The following RALGPS1 variants were observed in gnomAD, a reference collection of about 807,000 sequenced individuals.
The protein encoded by RALGPS1 is ras-specific guanine nucleotide-releasing factor RalGPS1.
In RALGPS1, 19 loss-of-function variants were observed where a neutral mutation model predicts 78.8. That is an observed-to-expected ratio of 0.24 (90% CI 0.17 to 0.35). RALGPS1 has a LOEUF of 0.35. Among genes scored for constraint, RALGPS1 ranks in the 10% least tolerant of loss-of-function variants. The pLI is 1.00. For synonymous variants in RALGPS1, 228 were observed against 256.3 expected, an observed-to-expected ratio of 0.89 and a Z score of 1.06; for missense variants, 454 against 688.3, an observed-to-expected ratio of 0.66 and a Z score of 3.81.
intron 4 of RALGPS1, among the ~76,000 whole-genome samples, chr9:127,018,967 A>G (rs1462975304): frequency 6.6e-6 from 1 of 152,234 alleles, no homozygotes. Context: ...GTACATGACT[A>G]TATTGAGTTA....
intron 4 of RALGPS1, chr9:126,989,961 G>A (rs746036977): frequency 4.1e-4 from 633 of 1,550,412 alleles, no homozygotes; most frequent in Non-Finnish European, 5.2e-4. Context: ...CACATGACAC[G>A]TTGCAGTTCA....
At chr9:127,096,961 TA>T (rs1012443280) in intron 8 of RALGPS1, among the ~76,000 whole-genome samples, 1 of 152,124 alleles carries the variant, frequency 6.6e-6, no homozygotes, top group Non-Finnish European at 1.5e-5. Flanking sequence ...ACCTGGTGGG[TA>T]AAGGACACAG....
intron 13 of RALGPS1, 118 bp from the exon 14 acceptor site, chr9:127,198,897 C>T (rs2061475722): frequency 1.1e-6 from 1 of 875,628 alleles, no homozygotes. Flanking sequence ...CTCCCAATGT[C>T]AGGAAGCAGT....
Position 127,196,603 on chromosome 9 carries a change from C to G in RALGPS1, c.1167C>G (p.Ser389=). 6.2e-7 allele frequency: 1 copy of G among 1,610,552 alleles called. No individual in the cohort carries two copies. ...SPRRGLALTS[S]SAVTNGLSLG... Reference sequence around the variant, plus strand: ...GAAGGGGCCTGGCTCTGACCTCCTCCTCTGCTGTCACCAATGGACTCTCCC... The same window carrying G: ...GAAGGGGCCTGGCTCTGACCTCCTCGTCTGCTGTCACCAATGGACTCTCCC... Residue 389 remains serine, a synonymous_variant, in exon 13 of 19, where the codon TCC becomes TCG. Coordinates refer to ENST00000259351, the MANE Select transcript of RALGPS1 (RefSeq NM_014636.3).
chr9:127,210,606 T>C, intron 14 of RALGPS1: 1 of 973,108 alleles, frequency 1.0e-6, no homozygotes, highest in Non-Finnish European at 1.6e-6. Flanking sequence ...CCTGAGCTAA[T>C]TGACTATGTT....
intron 4 of RALGPS1, among the ~76,000 whole-genome samples, chr9:126,995,387 T>C (rs2042645847): frequency 6.6e-6 from 1 of 152,088 alleles, no homozygotes; most frequent in South Asian, 2.1e-4. Flanking sequence ...AATCCTAGTC[T>C]CTCATAAAAC....
In RALGPS1 at chr9:126,932,302, G is replaced by A. The variant is rs116465840; in HGVS notation, c.-66+17327G>A. On this transcript the variant is annotated intron_variant, in intron 1 of 18. Coordinates refer to ENST00000259351, the MANE Select transcript of RALGPS1 (RefSeq NM_014636.3). Reference sequence around the variant, plus strand: ...CATACTGCTGGTGGGAGAATAAATCGGTCTATCCACTTTGGAAAATTGACA... The same window carrying A: ...CATACTGCTGGTGGGAGAATAAATCAGTCTATCCACTTTGGAAAATTGACA... Among the ~76,000 whole-genome samples the A allele has an allele frequency of 4.6e-3, 704 of 152,252 alleles. 3 individuals are homozygous for A. The highest frequency in any genetic ancestry group is 0.016 in the African/African-American group (672 of 41,526).
intron 1 of RALGPS1, among the ~76,000 whole-genome samples, chr9:126,949,755 T>C (rs1436378187): frequency 5.9e-5 from 9 of 151,736 alleles, no homozygotes; most frequent in East Asian, 1.9e-4. Flanking sequence ...TTCTCCCATT[T>C]TGTAGGTTGC....
chr9:127,152,135 A>T (rs4836558), intron 8 of RALGPS1, among the ~76,000 whole-genome samples: 8 of 152,186 alleles, frequency 5.3e-5, no homozygotes, highest in African/African-American at 1.9e-4. Flanking sequence ...TATCACAGAA[A>T]CCTTGTCTTC....
chr9:127,143,132 TA>T (rs2057893126), intron 8 of RALGPS1, among the ~76,000 whole-genome samples: 2 of 152,238 alleles, frequency 1.3e-5, no homozygotes, highest in African/African-American at 4.8e-5. Flanking sequence ...TGTTTTCTTT[TA>T]ACCACCGTAG....
At position 127,214,763 on chromosome 9, in the gene RALGPS1, A is replaced by G. The variant is rs1297467243; in HGVS notation, c.1565A>G (p.Lys522Arg). 6 of 1,609,502 alleles carry G rather than the reference A, an allele frequency of 3.7e-6. No homozygotes were observed. In the Admixed American group the frequency reaches 6.8e-5, roughly 18 times the overall value. Residue 522 changes from lysine (K) to arginine (R), a missense_variant, in exon 18 of 19, where the codon AAG (lysine) becomes AGG (arginine). Transcript: ENST00000259351. ...CTCTACCCATCAGGCAATGTTTACA[A>G]GTTTCAGACTGGTTCCCGATTTCAT... Reference protein sequence around the residue: ...LNNPDKGNVYKFQTGSRFHAI... With the variant: ...LNNPDKGNVYRFQTGSRFHAI...
intron 7 of RALGPS1, 73 bp from the exon 8 acceptor site, chr9:127,069,157 T>A: frequency 7.1e-7 from 1 of 1,401,918 alleles, no homozygotes; most frequent in Non-Finnish European, 9.8e-7. Context: ...TCCCTTTTAG[T>A]CTTCATCCAC....
intron 1 of RALGPS1, among the ~76,000 whole-genome samples, chr9:126,931,438 AT>A (rs1564268413): frequency 1.3e-5 from 2 of 152,270 alleles, no homozygotes; most frequent in African/African-American, 4.8e-5. Context: ...TTATTCAGCC[AT>A]AAAAAAGAAT....
intron 1 of RALGPS1, among the ~76,000 whole-genome samples, chr9:126,951,178 A>G (rs2037778855): frequency 6.6e-6 from 1 of 151,436 alleles, no homozygotes; most frequent in African/African-American, 2.4e-5. Context: ...AATAATCAAT[A>G]GCTTACCAAC....
At chr9:126,985,910 C>T (rs1000552335) in intron 4 of RALGPS1, among the ~76,000 whole-genome samples, 1 of 152,176 alleles carries the variant, frequency 6.6e-6, no homozygotes, top group Admixed American at 6.5e-5. Flanking sequence ...AAAGGGGAAG[C>T]GCCATAGCAG....
chr9:127,198,621 G>A (rs1373412198), intron 13 of RALGPS1, among the ~76,000 whole-genome samples: 1 of 152,146 alleles, frequency 6.6e-6, no homozygotes, highest in Non-Finnish European at 1.5e-5. Flanking sequence ...CCTGACCCTT[G>A]GGGAAGAGGA....
Position 127,007,380 on chromosome 9 carries a change from T to C in RALGPS1, c.217-27051T>C, listed in dbSNP as rs79547020. Among the ~76,000 whole-genome samples the C allele has an allele frequency of 2.6e-3, 393 of 152,248 alleles. 1 individual carries two copies. The highest frequency in any genetic ancestry group is 9.0e-3 in the African/African-American group (373 of 41,546). On this transcript the variant is annotated intron_variant, in intron 4 of 18. Coordinates refer to ENST00000259351, the MANE Select transcript of RALGPS1 (RefSeq NM_014636.3). ...CACCAGACACACATAGATGCACATA[T>C]TAGATTGTCAGGTCCCATTCCTGCA...
intron 8 of RALGPS1, among the ~76,000 whole-genome samples, chr9:127,090,071 A>G (rs1402096995): frequency 6.6e-6 from 1 of 152,176 alleles, no homozygotes; most frequent in Non-Finnish European, 1.5e-5. Context: ...AGGTTTTCCC[A>G]GAGTTTTTCT....
In RALGPS1 at chr9:126,994,367, G is replaced by A. The variant is rs532266040; in HGVS notation, c.216+16622G>A. On this transcript the variant is annotated intron_variant, in intron 4 of 18. Transcript: ENST00000259351. ...GATGGAGCTGAAAACCAAGGCACGA[G>A]AGCTACGTGATGAATGCAGAAGCCT... Among the ~76,000 whole-genome samples the A allele has an allele frequency of 2.4e-4, 37 of 152,322 alleles. No homozygotes were observed. The South Asian group carries it at 7.5e-3, about 31-fold the overall frequency.
Sources: allele counts gnomAD v4.1 joint callset (sites outside exome capture counted in the v4.1 genomes callset), GRCh38; gene constraint gnomAD v4.1.1; transcripts MANE v1.5; gene names NCBI Gene and HGNC (gene_info 2026-07-23, HGNC 2026-07-21).